The following NRIP1 variants were observed in gnomAD, a reference collection of about 807,000 sequenced individuals.
NRIP1 encodes the protein nuclear receptor interacting protein 1.
A neutral mutation model predicts 75.0 loss-of-function variants in NRIP1; 28 were observed. That is an observed-to-expected ratio of 0.37 (90% CI 0.28 to 0.51). NRIP1 has a LOEUF of 0.51. Among genes scored for constraint, NRIP1 ranks in the 20% least tolerant of loss-of-function variants. NRIP1 has a pLI of 0.92. For missense variants in NRIP1, 1,435 were observed against 1,343.7 expected (o/e 1.07, Z -1.06); for synonymous variants, 526 against 487.6 (o/e 1.08, Z -1.04).
intron 1 of NRIP1, among the ~76,000 whole-genome samples, chr21:15,062,043 A>G (rs1398772782): frequency 6.6e-6 from 1 of 152,238 alleles, no homozygotes. Context: ...GATGTTTGAC[A>G]GAATTAATAC....
chr21:14,990,884 C>T (rs1316716723), intron 3 of NRIP1, among the ~76,000 whole-genome samples: 1 of 152,136 alleles, frequency 6.6e-6, no homozygotes, highest in Non-Finnish European at 1.5e-5. Flanking sequence ...GTAGCCATCA[C>T]ACTGCCTGCA....
Position 14,966,505 on chromosome 21 carries a change from C to G in NRIP1, c.1688G>C (p.Gly563Ala), listed in dbSNP as rs773401583. The G allele has an allele frequency of 1.9e-6, 3 of 1,613,834 alleles. No individual in the cohort carries two copies. Among genetic ancestry groups the G allele is most frequent in the Non-Finnish European group, 1.7e-6 (2 of 1,179,976 alleles). Residue 563 changes from glycine (G) to alanine (A), a missense_variant, in exon 4 of 4, where the codon GGG becomes GCG. Coordinates refer to ENST00000318948, the MANE Select transcript of NRIP1 (RefSeq NM_003489.4). ...GTGTTGAGAGAGATTGATGGGAGAC[C>G]CTGCTTTGCTTGATGTAAGTAAAGG... The part of the protein sequence containing the change: ...TPPLLTSSKA[G>A]SPINLSQHSL...
intron 2 of NRIP1, among the ~76,000 whole-genome samples, chr21:15,016,506 A>G (rs1263120815): frequency 6.6e-6 from 1 of 152,178 alleles, no homozygotes; most frequent in Non-Finnish European, 1.5e-5. Context: ...TTAACTGTTC[A>G]GTTTTCAATT....
At chr21:14,974,690 T>C (rs926623808) in intron 3 of NRIP1, among the ~76,000 whole-genome samples, 8 of 152,224 alleles carry the variant, frequency 5.3e-5, no homozygotes, top group African/African-American at 1.2e-4. Context: ...CACTTGAGTG[T>C]TGAATACCGA....
At chr21:15,020,347 TA>T (rs1415846553) in intron 2 of NRIP1, among the ~76,000 whole-genome samples, 1 of 152,218 alleles carries the variant, frequency 6.6e-6, no homozygotes, top group African/African-American at 2.4e-5. Context: ...ATTAAAATAA[TA>T]GTCTTTTTAA....
At chr21:15,047,891 T>G (rs1448241684) in intron 1 of NRIP1, among the ~76,000 whole-genome samples, 1 of 152,262 alleles carries the variant, frequency 6.6e-6, no homozygotes, top group Admixed American at 6.5e-5. Flanking sequence ...TCACTGAGCT[T>G]AACCTTTTCT....
chr21:15,051,295 TGTC>T (rs2089198172), intron 1 of NRIP1: 1 of 162,180 alleles, frequency 6.2e-6, no homozygotes, highest in Admixed American at 6.0e-5. Context: ...CGCGTGTGTG[TGTC>T]ATTTTCATTT....
At chr21:15,001,404 A>G (rs1303647372) in intron 3 of NRIP1, among the ~76,000 whole-genome samples, 1 of 152,184 alleles carries the variant, frequency 6.6e-6, no homozygotes, top group African/African-American at 2.4e-5. Context: ...CTATGACCAC[A>G]TTTTAAGAAT....
At position 14,965,323 on chromosome 21, in the gene NRIP1, A is replaced by C. The variant is rs866235595; in HGVS notation, c.2870T>G (p.Val957Gly). 1.2e-6 allele frequency: 2 copies of C among 1,614,042 alleles called. No individual in the cohort carries two copies. Among genetic ancestry groups the C allele is most frequent in the Middle Eastern group, 1.6e-4 (1 of 6,062 alleles). ...RDLSPHRSNS[V>G]ADSKKKGHKN... ...GTGTCCTTTCTTTTTACTGTCAGCCACAGAGTTACTTCTGTGCGGGGACAA... is the reference window on the plus strand; with the variant it reads ...GTGTCCTTTCTTTTTACTGTCAGCCCCAGAGTTACTTCTGTGCGGGGACAA... Residue 957 changes from valine to glycine, a missense_variant, in exon 4 of 4, where the codon GTG becomes GGG. Transcript: ENST00000318948.
chr21:14,993,581 C>T (rs569504280), intron 3 of NRIP1, among the ~76,000 whole-genome samples: 21 of 152,092 alleles, frequency 1.4e-4, no homozygotes, highest in Non-Finnish European at 2.5e-4. Context: ...AAGATGACAA[C>T]GTCAGCCTGG....
intron 2 of NRIP1, among the ~76,000 whole-genome samples, chr21:15,016,359 G>A (rs1053467651): frequency 6.6e-6 from 1 of 152,122 alleles, no homozygotes; most frequent in Non-Finnish European, 1.5e-5. Context: ...AATTACATGA[G>A]TACTCCTATT....
chr21:14,966,484 T>G lies in NRIP1; in HGVS notation c.1709A>C (p.Gln570Pro). Reference protein sequence around the residue: ...SKAGSPINLSQHSLVIKWNSP... With the variant: ...SKAGSPINLSPHSLVIKWNSP... ...ATTCCATTTGATGACCAGAGAGTGT[T>G]GAGAGAGATTGATGGGAGACCCTGC... The change falls in exon 4 of 4, where the codon CAA (glutamine) becomes CCA (proline). Residue 570 changes from glutamine to proline, a missense_variant. Transcript: ENST00000318948. The G allele has an allele frequency of 1.2e-6, 2 of 1,614,078 alleles. No homozygotes were observed. The highest frequency in any genetic ancestry group is 1.3e-5 in the African/African-American group (1 of 75,016).
At chr21:14,969,279 C>T (rs1270769623) in intron 3 of NRIP1, among the ~76,000 whole-genome samples, 5 of 152,094 alleles carry the variant, frequency 3.3e-5, no homozygotes, top group Admixed American at 2.6e-4. Flanking sequence ...TAATGTAGTT[C>T]GTTAGTAAAT....
chr21:14,963,442 A>C lies in NRIP1; in HGVS notation c.*1274T>G, dbSNP rs1236750380. 6.6e-6 allele frequency: 1 copy of C among 152,474 alleles called. No homozygotes were observed. The highest frequency in any genetic ancestry group is 2.4e-5 in the African/African-American group (1 of 41,414). 9.4% of individuals were successfully genotyped at this position (152,474 alleles called of 1,614,324 possible). A position where few individuals can be genotyped will look rare whatever the true frequency, so the allele number is the denominator to read the frequency against. ...GATATGAAAGTTATCCCCTCCACCC[A>C]ATTTTTGTCATAAAAAGTGTTCTGA... On this transcript the variant is annotated 3_prime_UTR_variant, in exon 4 of 4. Transcript: ENST00000318948.
chr21:15,026,858 A>C (rs1275783360), intron 2 of NRIP1, among the ~76,000 whole-genome samples: 1 of 152,166 alleles, frequency 6.6e-6, no homozygotes, highest in Non-Finnish European at 1.5e-5. Flanking sequence ...AACAAGTCTC[A>C]TAACTGTACA....
Position 14,968,439 on chromosome 21 carries a change from T to C in NRIP1, c.-247A>G, listed in dbSNP as rs1430174773. The C allele has an allele frequency of 1.2e-5, 5 of 431,252 alleles. No individual in the cohort carries two copies. Among genetic ancestry groups the C allele is most frequent in the Non-Finnish European group, 2.1e-5 (5 of 234,592 alleles). 26.7% of individuals were successfully genotyped at this position (431,252 alleles called of 1,614,324 possible). The stretch of plus-strand genomic sequence containing the variant: ...AGAAGAATTCCTTAACACATAGGTC[T>C]GTAGCAGTAAGCAGATAGAATCCTT... On this transcript the variant is annotated 5_prime_UTR_variant, in exon 4 of 4. Transcript: ENST00000318948.
chr21:15,029,803 C>A (rs2088601397), intron 2 of NRIP1, among the ~76,000 whole-genome samples: 1 of 149,242 alleles, frequency 6.7e-6, no homozygotes, highest in African/African-American at 2.5e-5. Flanking sequence ...GCAACAGAGT[C>A]CCTGTCTCCA....
At chr21:15,056,954 TAA>T (rs1304179883) in intron 1 of NRIP1, among the ~76,000 whole-genome samples, 1 of 152,146 alleles carries the variant, frequency 6.6e-6, no homozygotes, top group Non-Finnish European at 1.5e-5. Context: ...GGTATGTACT[TAA>T]AAATGTACTA....
chr21:15,019,615 A>G (rs1294055066), intron 2 of NRIP1, among the ~76,000 whole-genome samples: 1 of 150,092 alleles, frequency 6.7e-6, no homozygotes, highest in Non-Finnish European at 1.5e-5. Context: ...CAGCCTCCCA[A>G]GTAGCTGGGA....
Sources: allele counts gnomAD v4.1 joint callset (sites outside exome capture counted in the v4.1 genomes callset), GRCh38; gene constraint gnomAD v4.1.1; transcripts MANE v1.5; gene names NCBI Gene and HGNC (gene_info 2026-07-23, HGNC 2026-07-21).